Variants in DCDC1 observed in about 807,000 individuals in gnomAD.
DCDC1 encodes doublecortin domain containing 1, also known as doublecortin domain-containing protein 1.
In DCDC1, 200 loss-of-function variants were observed where a neutral mutation model predicts 178.3. The observed-to-expected ratio is 1.12, with a 90% CI of 1.00 to 1.26. DCDC1 has a LOEUF of 1.26. DCDC1 is among the 50% of genes most tolerant of loss of function. DCDC1 has a pLI of 0.00. For synonymous variants in DCDC1, 690 were observed against 604.8 expected (o/e 1.14, Z -2.07); for missense variants, 1,983 against 1,749.2 (o/e 1.13, Z -2.38).
intron 8 of DCDC1, among the ~76,000 whole-genome samples, chr11:31,246,869 G>T (rs1943603720): frequency 6.6e-6 from 1 of 152,086 alleles, no homozygotes; most frequent in Admixed American, 6.6e-5. Context: ...AGATTTAGCA[G>T]TGGTTTTCTT....
intron 9 of DCDC1, among the ~76,000 whole-genome samples, chr11:31,209,881 A>G (rs998815285): frequency 2.6e-5 from 4 of 152,186 alleles, no homozygotes; most frequent in Non-Finnish European, 4.4e-5. Context: ...AGATAAAGGA[A>G]AGTAAAAGAA....
intron 19 of DCDC1, 129 bp downstream of exon 19, chr11:31,064,885 ATTATT>A (rs1273698113): frequency 1.4e-5 from 8 of 568,096 alleles, no homozygotes; most frequent in Non-Finnish European, 2.2e-5. Flanking sequence ...TATTATGTGT[ATTATT>A]TTAAACTATC....
At chr11:31,235,287 G>C (rs1169324819) in intron 9 of DCDC1, among the ~76,000 whole-genome samples, 1 of 151,352 alleles carries the variant, frequency 6.6e-6, no homozygotes, top group Non-Finnish European at 1.5e-5. Context: ...CAGTGTATTA[G>C]AAAAAATGCA....
At chr11:31,064,325 A>T (rs1336677969) in intron 20 of DCDC1, 144 bp downstream of exon 20, 1 of 590,830 alleles carries the variant, frequency 1.7e-6, no homozygotes, top group African/African-American at 1.8e-5. Flanking sequence ...TTCTTCATCA[A>T]ATGTGACCCA....
chr11:31,193,883 T>C (rs1312223119), intron 9 of DCDC1, among the ~76,000 whole-genome samples: 1 of 152,076 alleles, frequency 6.6e-6, no homozygotes, highest in East Asian at 1.9e-4. Context: ...AAGAAAAATA[T>C]TTTTAGAAAG....
chr11:31,238,713 A>T (rs1976746577), intron 9 of DCDC1, among the ~76,000 whole-genome samples: 1 of 152,140 alleles, frequency 6.6e-6, no homozygotes, highest in Admixed American at 6.6e-5. Flanking sequence ...AATTGCAAAG[A>T]TTACCAATTA....
chr11:30,941,147 A>T (rs1371320898), intron 21 of DCDC1, among the ~76,000 whole-genome samples: 1 of 152,108 alleles, frequency 6.6e-6, no homozygotes, highest in African/African-American at 2.4e-5. Context: ...CATCACCTCC[A>T]TTCCTACCAT....
chr11:31,130,567 A>C (rs1962304319), intron 10 of DCDC1, among the ~76,000 whole-genome samples: 1 of 152,220 alleles, frequency 6.6e-6, no homozygotes, highest in African/African-American at 2.4e-5. Flanking sequence ...AAAGTGAGCA[A>C]AAAATGAATA....
At chr11:31,261,891 A>T (rs1944811762) in intron 8 of DCDC1, among the ~76,000 whole-genome samples, 3 of 152,164 alleles carry the variant, frequency 2.0e-5, no homozygotes. Flanking sequence ...TCTTTATTAA[A>T]ATCATCTTCT....
intron 20 of DCDC1, among the ~76,000 whole-genome samples, chr11:30,977,960 T>A (rs1018610646): frequency 1.3e-5 from 2 of 152,178 alleles, no homozygotes; most frequent in African/African-American, 4.8e-5. Context: ...GAAATGTAAT[T>A]GCTAAGTCAA....
At chr11:31,005,443 A>G (rs1418085215) in intron 20 of DCDC1, among the ~76,000 whole-genome samples, 1 of 152,194 alleles carries the variant, frequency 6.6e-6, no homozygotes, top group Non-Finnish European at 1.5e-5. Context: ...GTCACACCAC[A>G]TATTCATAGG....
intron 7 of DCDC1, among the ~76,000 whole-genome samples, chr11:31,287,814 A>G (rs1051359987): frequency 3.9e-5 from 6 of 152,054 alleles, no homozygotes; most frequent in Non-Finnish European, 7.4e-5. Flanking sequence ...CAAAGGAGAG[A>G]GAGAACGATA....
At chr11:31,233,713 G>A (rs1224119163) in intron 9 of DCDC1, among the ~76,000 whole-genome samples, 1 of 152,116 alleles carries the variant, frequency 6.6e-6, no homozygotes, top group African/African-American at 2.4e-5. Context: ...GCTTTATGAG[G>A]ACTGGAGCAC....
intron 18 of DCDC1, 74 bp downstream of exon 18, chr11:31,077,791 T>C (rs141840339): frequency 2.4e-5 from 17 of 719,172 alleles, no homozygotes; most frequent in Middle Eastern, 4.7e-4. Flanking sequence ...CTCTAAACAA[T>C]AGATAGTACC....
intron 7 of DCDC1, among the ~76,000 whole-genome samples, chr11:31,267,231 C>T (rs1945222606): frequency 6.6e-6 from 1 of 151,596 alleles, no homozygotes; most frequent in African/African-American, 2.4e-5. Context: ...ACTCTGGTCG[C>T]CCAGGCTTGA....
At chr11:31,277,517 C>A (rs967017371) in intron 7 of DCDC1, among the ~76,000 whole-genome samples, 3 of 152,018 alleles carry the variant, frequency 2.0e-5, no homozygotes. Flanking sequence ...CAAGTGGCTG[C>A]GTCATTTTGC....
intron 9 of DCDC1, among the ~76,000 whole-genome samples, chr11:31,207,490 C>A (rs1295625040): frequency 6.6e-6 from 1 of 152,124 alleles, no homozygotes; most frequent in Non-Finnish European, 1.5e-5. Context: ...AGAACTATAT[C>A]ATCTTCTCTC....
intron 8 of DCDC1, among the ~76,000 whole-genome samples, chr11:31,246,942 T>C: frequency 6.6e-6 from 1 of 152,070 alleles, no homozygotes; most frequent in South Asian, 2.1e-4. Context: ...AAGCACATGA[T>C]TGCTATACTT....
At chr11:31,199,990 T>A (rs1054162680) in intron 9 of DCDC1, among the ~76,000 whole-genome samples, 1 of 152,124 alleles carries the variant, frequency 6.6e-6, no homozygotes, top group Non-Finnish European at 1.5e-5. Flanking sequence ...AGATATATAG[T>A]TGATCAATGT....
Sources: gnomAD v4.1 joint callset for allele counts (sites outside exome capture counted in the v4.1 genomes callset) on GRCh38, gnomAD v4.1.1 for gene constraint, MANE v1.5 for transcripts, NCBI Gene and HGNC (gene_info 2026-07-23, HGNC 2026-07-21) for gene names.